Variants in HDHD5 observed in about 807,000 individuals in gnomAD.
HDHD5 encodes haloacid dehalogenase like hydrolase domain containing 5.
A neutral mutation model predicts 35.5 loss-of-function variants in HDHD5; 34 were observed. The observed-to-expected ratio is 0.96, with a 90% CI of 0.73 to 1.28. HDHD5 has a LOEUF of 1.28. HDHD5 is among the 50% of genes most tolerant of loss of function. HDHD5 has a pLI of 0.00. For missense variants in HDHD5, 589 were observed against 560.2 expected (o/e 1.05, Z -0.52); for synonymous variants, 248 against 240.6 (o/e 1.03, Z -0.29).
intron 1 of HDHD5, among the ~76,000 whole-genome samples, chr22:17,151,959 A>G (rs1196532208): frequency 6.6e-6 from 1 of 152,216 alleles, no homozygotes; most frequent in African/African-American, 2.4e-5. Flanking sequence ...GAGCCAGACA[A>G]TGAAAGTGTT....
upstream of HDHD5, among the ~76,000 whole-genome samples, chr22:17,160,250 C>T (rs915095445): frequency 6.6e-6 from 1 of 152,110 alleles, no homozygotes; most frequent in African/African-American, 2.4e-5. Context: ...CGGTGGCTCA[C>T]CCCTGTAATC....
chr22:17,158,896 C>T, intron 1 of HDHD5: 1 of 320,690 alleles, frequency 3.1e-6, no homozygotes. Context: ...CAGGCCGTCC[C>T]ACGAGCGCTC....
upstream of HDHD5, among the ~76,000 whole-genome samples, chr22:17,162,292 G>A (rs1157924125): frequency 1.3e-5 from 2 of 152,194 alleles, no homozygotes; most frequent in African/African-American, 2.4e-5. Context: ...CAGAAACAGG[G>A]AGATACTGAA....
rs758086207 is a variant in HDHD5, at chr22:17,138,623, C to T, written c.862G>A (p.Ala288Thr). 1 of 1,614,248 alleles carries T rather than the reference C, an allele frequency of 6.2e-7. No individual in the cohort carries two copies. Among genetic ancestry groups the T allele is most frequent in the Non-Finnish European group, 8.5e-7 (1 of 1,180,048 alleles). Residue 288 changes from alanine to threonine, a missense_variant, in exon 7 of 8, where the codon GCC becomes ACC. Coordinates refer to ENST00000336737, the MANE Select transcript of HDHD5 (RefSeq NM_033070.3). ...GKPSILTYQY[A>T]EDLIRRQAER... ...GCCTGTCGCCTGATCAGGTCCTCGG[C>T]ATACTGGTAAGTGAGGATGCTGGGT...
chr22:17,159,302 A>AGTCC (rs1274434971), upstream of HDHD5: 2 of 786,892 alleles, frequency 2.5e-6, no homozygotes, highest in African/African-American at 5.2e-5. Flanking sequence ...CCCCCCCGCG[A>AGTCC]GTCCGTCCGC....
chr22:17,156,928 A>T (rs868461486), intron 1 of HDHD5, among the ~76,000 whole-genome samples: 1 of 151,822 alleles, frequency 6.6e-6, no homozygotes, highest in Middle Eastern at 3.4e-3. Flanking sequence ...AAATACAAAA[A>T]TTAGCTGGGC....
At chr22:17,161,616 C>T (rs2061864478), upstream of HDHD5, among the ~76,000 whole-genome samples, 2 of 151,690 alleles carry the variant, frequency 1.3e-5, no homozygotes, top group South Asian at 4.1e-4. Flanking sequence ...TGCCTGTAAT[C>T]CCAACACTTG....
rs1338162348 is a variant in HDHD5, at chr22:17,159,222, G to C, written c.30C>G (p.Leu10=). ...GCCAGCAAAGCCCACGCGCCGCGCC[G>C]AGCGCAGCCACACAGCCCCACGCAG... MAAWGCVAA[L]GAARGLCWRA... The change falls in exon 1 of 8, where the codon CTC becomes CTG. Residue 10 remains leucine (L), a synonymous_variant. Transcript: ENST00000336737. The C allele has an allele frequency of 8.5e-7, 1 of 1,179,432 alleles. No individual in the cohort carries two copies. Among genetic ancestry groups the C allele is most frequent in the Non-Finnish European group, 1.0e-6 (1 of 956,570 alleles). The allele number at this position is 1,179,432 out of a possible 1,614,324, so 73.1% of individuals were successfully genotyped here.
chr22:17,144,885 C>T, intron 4 of HDHD5, 139 bp downstream of exon 4: 1 of 1,053,456 alleles, frequency 9.5e-7, no homozygotes, highest in Non-Finnish European at 1.4e-6. Flanking sequence ...GGAACAAAAC[C>T]CTTAGCCAGA....
At chr22:17,159,388 C>A, upstream of HDHD5, 1 of 1,039,780 alleles carries the variant, frequency 9.6e-7, no homozygotes, top group Non-Finnish European at 1.3e-6. Flanking sequence ...GCCCGTCGGG[C>A]GCCTATGGAA....
intron 1 of HDHD5, among the ~76,000 whole-genome samples, chr22:17,164,303 C>T (rs1437212078): frequency 6.6e-6 from 1 of 151,670 alleles, no homozygotes; most frequent in Non-Finnish European, 1.5e-5. Flanking sequence ...ACAAATGTGT[C>T]TGCATCTAGA....
chr22:17,143,276 G>T, intron 4 of HDHD5, 145 bp from the exon 5 acceptor site: 1 of 776,928 alleles, frequency 1.3e-6, no homozygotes, highest in South Asian at 2.1e-5. Context: ...CCAAGGGAAA[G>T]CTGGAGAGGA....
At chr22:17,154,854 C>A (rs1448399859) in intron 1 of HDHD5, among the ~76,000 whole-genome samples, 8 of 151,260 alleles carry the variant, frequency 5.3e-5, no homozygotes, top group Non-Finnish European at 5.9e-5. Flanking sequence ...TGGTCTGGAA[C>A]TCCTGGGCTC....
rs2061703789 is a variant in HDHD5 at position 17,149,656 on chromosome 22, T to G, written c.216A>C (p.Arg72=). The G allele has an allele frequency of 6.2e-7, 1 of 1,613,846 alleles. No individual in the cohort carries two copies. Among genetic ancestry groups the G allele is most frequent in the Non-Finnish European group, 8.5e-7 (1 of 1,180,020 alleles). ...RVIPAALKAF[R]RLVNSQGQLR... is the part of the protein sequence containing the mutation. ...GCTGCCCCTGGGAGTTCACCAGCCTTCGGAAGGCTTTCAGAGCAGCAGGGA... is the reference window on the plus strand; with the variant it reads ...GCTGCCCCTGGGAGTTCACCAGCCTGCGGAAGGCTTTCAGAGCAGCAGGGA... Residue 72 remains arginine, a synonymous_variant, in exon 2 of 8, where the codon CGA becomes CGC. Transcript: ENST00000336737.
chr22:17,156,934 T>C (rs1440844714), intron 1 of HDHD5, among the ~76,000 whole-genome samples: 10 of 150,016 alleles, frequency 6.7e-5, no homozygotes, highest in Admixed American at 2.0e-4. Flanking sequence ...AAAAATTAGC[T>C]GGGCGTGGTG....
Position 17,137,946 on chromosome 22 carries a change from T to G in HDHD5, c.*75A>C. 7.8e-7 allele frequency: 1 copy of G among 1,283,362 alleles called. No homozygotes were observed. Among genetic ancestry groups the G allele is most frequent in the Non-Finnish European group, 1.1e-6 (1 of 924,880 alleles). 79.5% of individuals were successfully genotyped at this position (1,283,362 alleles called of 1,614,324 possible). On this transcript the variant is annotated 3_prime_UTR_variant, in exon 8 of 8. Coordinates refer to ENST00000336737, the MANE Select transcript of HDHD5 (RefSeq NM_033070.3). Reference sequence around the variant, plus strand: ...GAACCAAGCCCTGACCTGAGCCCAGTGATCAGGCCAGAGCCCAGCCAATGG... The same window carrying G: ...GAACCAAGCCCTGACCTGAGCCCAGGGATCAGGCCAGAGCCCAGCCAATGG...
chr22:17,164,222 G>GA (rs60212114), upstream of HDHD5, among the ~76,000 whole-genome samples: 2,405 of 111,658 alleles, frequency 0.022, 86 homozygotes, highest in East Asian at 0.1. Flanking sequence ...CTCCATCTCA[G>GA]AAAAAAAAAA....
At chr22:17,141,634 G>A in intron 5 of HDHD5, 1 of 1,045,734 alleles carries the variant, frequency 9.6e-7, no homozygotes, top group Non-Finnish European at 1.2e-6. Flanking sequence ...GAACCTAACA[G>A]CCAGGACAGG....
chr22:17,145,965 T>C (rs1320743952), intron 3 of HDHD5, among the ~76,000 whole-genome samples: 1 of 151,988 alleles, frequency 6.6e-6, no homozygotes, highest in Non-Finnish European at 1.5e-5. Flanking sequence ...TATCCTCAAT[T>C]CCAACTTGCA....
Sources: allele counts gnomAD v4.1 joint callset (sites outside exome capture counted in the v4.1 genomes callset), GRCh38; gene constraint gnomAD v4.1.1; transcripts MANE v1.5; gene names NCBI Gene and HGNC (gene_info 2026-07-23, HGNC 2026-07-21).